The following MGAT4C variants were observed in gnomAD, a reference collection of about 807,000 sequenced individuals.
MGAT4C encodes alpha-1,3-mannosyl-glycoprotein 4-beta-N-acetylglucosaminyltransferase C.
MGAT4C carries 19 observed loss-of-function variants against 40.1 expected under a neutral mutation model. The ratio of observed to expected loss-of-function variants is 0.47; its 90% CI spans 0.33 to 0.70. MGAT4C has a LOEUF of 0.70. Among genes scored for constraint, MGAT4C ranks in the 30% least tolerant of loss-of-function variants. The pLI is 0.02. For missense variants in MGAT4C, 491 were observed against 563.2 expected, an observed-to-expected ratio of 0.87 and a Z score of 1.30; for synonymous variants, 181 against 187.1, an observed-to-expected ratio of 0.97 and a Z score of 0.27.
rs1038497280 is a variant in MGAT4C, at chr12:86,739,840, A to T, written c.-261-12599T>A. Among the ~76,000 whole-genome samples the T allele has an allele frequency of 3.3e-5, 5 of 150,400 alleles. No individual in the cohort carries two copies. In the Admixed American group the frequency reaches 3.3e-4, roughly 10 times the overall value. ...TGTGCGTGTGTGTGTATATATATTTATTTATGTATGCACACAAACACACAC... is the reference window on the plus strand; with the variant it reads ...TGTGCGTGTGTGTGTATATATATTTTTTTATGTATGCACACAAACACACAC... On this transcript the variant is annotated intron_variant, in intron 1 of 7. Coordinates refer to the MGAT4C transcript ENST00000548651.
rs1391460822 is a variant in MGAT4C at position 85,978,750 on chromosome 12, T to C, written c.*539A>G. ...TTTTTTCTTTTTCCATAGTGTCACC[T>C]ACACAAAAAATTATGTAAAGACACC... is the stretch of plus-strand genomic sequence containing the variant. On this transcript the variant is annotated 3_prime_UTR_variant, in exon 5 of 5. Transcript: ENST00000611864. 1 of 151,810 alleles carries C rather than the reference T, an allele frequency of 6.6e-6. No individual in the cohort carries two copies. The highest frequency in any genetic ancestry group is 6.6e-5 in the Admixed American group (1 of 15,178). The allele number at this position is 151,810 out of a possible 1,614,324, so 9.4% of individuals were successfully genotyped here. A position where few individuals can be genotyped will look rare whatever the true frequency, so the allele number is the denominator to read the frequency against.
In MGAT4C at chr12:86,148,368, T is replaced by TAATTTCTTG. The variant is rs527570265; in HGVS notation, c.-56-98654_-56-98646dup. ...GTTAAAAAACATTGTGTGCTTATCATAATTTCTTGAAACAAATTGTATATG... is the reference window on the plus strand; with the variant it reads ...GTTAAAAAACATTGTGTGCTTATCATAATTTCTTGAATTTCTTGAAACAAATTGTATATG... On this transcript the variant is annotated intron_variant, in intron 1 of 4. Transcript: ENST00000611864. 6.6e-5 allele frequency among the ~76,000 whole-genome samples: 10 copies of TAATTTCTTG among 152,348 alleles called. No individual in the cohort carries two copies. The South Asian group carries it at 2.1e-3, about 32-fold the overall frequency.
chr12:86,293,508 A>G (rs951266514), intron 4 of MGAT4C, among the ~76,000 whole-genome samples: 22 of 152,092 alleles, frequency 1.4e-4, no homozygotes, highest in Admixed American at 4.6e-4. Context: ...AAAAATGTGT[A>G]CTCTACCTAT....
intron 3 of MGAT4C, among the ~76,000 whole-genome samples, chr12:86,412,147 C>A (rs1956619212): frequency 6.6e-6 from 1 of 152,180 alleles, no homozygotes; most frequent in African/African-American, 2.4e-5. Context: ...TCATGGAGAA[C>A]CTCTACCAGG....
chr12:86,067,284 A>C (rs1894635813), intron 1 of MGAT4C, among the ~76,000 whole-genome samples: 2 of 152,238 alleles, frequency 1.3e-5, no homozygotes, highest in Non-Finnish European at 2.9e-5. Flanking sequence ...CACTTTTCAC[A>C]ATAGCAAAGA....
intron 1 of MGAT4C, among the ~76,000 whole-genome samples, chr12:86,762,740 T>C (rs886755544): frequency 3.9e-5 from 6 of 152,270 alleles, no homozygotes; most frequent in African/African-American, 1.4e-4. Flanking sequence ...TTAAAGGCTC[T>C]ACTTATCACT....
chr12:86,715,484 C>T (rs2136637538), intron 2 of MGAT4C, among the ~76,000 whole-genome samples: 1 of 152,154 alleles, frequency 6.6e-6, no homozygotes, highest in South Asian at 2.1e-4. Flanking sequence ...GTATGTTTTT[C>T]TGTATGTATA....
chr12:86,703,614 A>C (rs1188881604), intron 2 of MGAT4C, among the ~76,000 whole-genome samples: 1 of 152,182 alleles, frequency 6.6e-6, no homozygotes, highest in African/African-American at 2.4e-5. Flanking sequence ...ATGTAATGCT[A>C]TTGCACACAT....
chr12:86,832,172 A>C (rs1485779316), intron 1 of MGAT4C, among the ~76,000 whole-genome samples: 1 of 151,834 alleles, frequency 6.6e-6, no homozygotes, highest in Non-Finnish European at 1.5e-5. Context: ...CTTCGAAACA[A>C]AGCAGAATTA....
At chr12:86,673,472 CACAT>C (rs1964314105) in intron 2 of MGAT4C, among the ~76,000 whole-genome samples, 2 of 152,124 alleles carry the variant, frequency 1.3e-5, no homozygotes, top group African/African-American at 4.8e-5. Flanking sequence ...CATGCACACA[CACAT>C]ACAACCACAC....
chr12:86,319,064 C>T (rs1305762802), intron 4 of MGAT4C, among the ~76,000 whole-genome samples: 4 of 152,184 alleles, frequency 2.6e-5, no homozygotes, highest in East Asian at 1.9e-4. Context: ...TTCTACAAGA[C>T]TCAGGGAAAA....
At chr12:86,820,028 G>T (rs1361849579) in intron 1 of MGAT4C, among the ~76,000 whole-genome samples, 1 of 150,564 alleles carries the variant, frequency 6.6e-6, no homozygotes, top group African/African-American at 2.4e-5. Context: ...TAATTCTGAG[G>T]AAATATATTT....
At chr12:86,061,591 C>G (rs1893975453) in intron 1 of MGAT4C, among the ~76,000 whole-genome samples, 1 of 152,066 alleles carries the variant, frequency 6.6e-6, no homozygotes, top group Non-Finnish European at 1.5e-5. Flanking sequence ...CAGGTCTCAC[C>G]CCCATGGAGC....
At chr12:85,984,278 T>G (rs1332415608) in intron 3 of MGAT4C, among the ~76,000 whole-genome samples, 1 of 152,218 alleles carries the variant, frequency 6.6e-6, no homozygotes, top group African/African-American at 2.4e-5. Context: ...CAGTAATTTT[T>G]TTCATATGTC....
At chr12:86,457,706 A>C (rs1957532126) in intron 2 of MGAT4C, among the ~76,000 whole-genome samples, 1 of 152,160 alleles carries the variant, frequency 6.6e-6, no homozygotes, top group Middle Eastern at 3.2e-3. Flanking sequence ...TAGACTCTAG[A>C]GGCTGTGGCT....
At chr12:86,630,738 T>C (rs1016149301) in intron 2 of MGAT4C, among the ~76,000 whole-genome samples, 5 of 152,132 alleles carry the variant, frequency 3.3e-5, no homozygotes, top group Admixed American at 6.5e-5. Context: ...AACTAGGTAT[T>C]GATGGATTGT....
intron 1 of MGAT4C, among the ~76,000 whole-genome samples, chr12:86,111,029 ACACTT>A (rs1220588709): frequency 1.3e-5 from 2 of 151,778 alleles, no homozygotes; most frequent in Non-Finnish European, 3.0e-5. Flanking sequence ...AAGCAGTAGA[ACACTT>A]TGCTTTAACA....
chr12:86,441,083 A>G (rs1359815054), intron 2 of MGAT4C, among the ~76,000 whole-genome samples: 2 of 152,146 alleles, frequency 1.3e-5, no homozygotes, highest in Non-Finnish European at 2.9e-5. Context: ...CCAAAATACC[A>G]GCATCATTTT....
chr12:86,078,205 T>G (rs1025859106), intron 1 of MGAT4C, among the ~76,000 whole-genome samples: 9 of 152,134 alleles, frequency 5.9e-5, no homozygotes, highest in African/African-American at 2.2e-4. Context: ...CTAGAGAACT[T>G]TGCCCCAGCC....
Sources: allele counts gnomAD v4.1 joint callset (sites outside exome capture counted in the v4.1 genomes callset), GRCh38; gene constraint gnomAD v4.1.1; transcripts MANE v1.5; gene names NCBI Gene and HGNC (gene_info 2026-07-23, HGNC 2026-07-21).